Variants in NRG1 observed in about 807,000 individuals in gnomAD.
NRG1 encodes neuregulin 1, also known as pro-neuregulin-1, membrane-bound isoform.
Under a neutral mutation model 63.8 loss-of-function variants are expected in NRG1, and 18 were observed. The observed-to-expected ratio is 0.28, with a 90% CI of 0.19 to 0.42. The LOEUF is 0.42. Ranked by LOEUF, NRG1 falls within the 10% of genes least tolerant of loss-of-function variation. NRG1 has a pLI of 1.00. For missense variants in NRG1, 762 were observed against 814.7 expected, an observed-to-expected ratio of 0.94 and a Z score of 0.79; for synonymous variants, 302 against 301.3, an observed-to-expected ratio of 1.00 and a Z score of -0.02.
chr8:32,228,860 G>C (rs1226773082), intron 1 of NRG1, among the ~76,000 whole-genome samples: 1 of 152,230 alleles, frequency 6.6e-6, no homozygotes, highest in South Asian at 2.1e-4. Context: ...ATCCCACAAA[G>C]TTCTCTTTAG....
intron 1 of NRG1, among the ~76,000 whole-genome samples, chr8:31,643,003 A>T (rs918990958): frequency 1.4e-4 from 21 of 148,910 alleles, no homozygotes; most frequent in Admixed American, 6.0e-4. Context: ...TGTGTGTGAG[A>T]GAGAGAATGA....
intron 1 of NRG1, among the ~76,000 whole-genome samples, chr8:32,157,312 C>G (rs1838212451): frequency 7.3e-6 from 1 of 136,798 alleles, no homozygotes; most frequent in South Asian, 2.4e-4. Context: ...TTGCAGTGAG[C>G]TGAGATGGTG....
intron 1 of NRG1, among the ~76,000 whole-genome samples, chr8:31,957,632 A>AT (rs999295749): frequency 6.6e-6 from 1 of 152,136 alleles, no homozygotes; most frequent in African/African-American, 2.4e-5. Flanking sequence ...GATATTTTGA[A>AT]TTTTTTAGTG....
At chr8:31,679,200 C>T (rs957773955) in intron 1 of NRG1, among the ~76,000 whole-genome samples, 1 of 152,058 alleles carries the variant, frequency 6.6e-6, no homozygotes, top group African/African-American at 2.4e-5. Context: ...CTCAATGAGG[C>T]TCATTTTTGC....
At chr8:32,043,495 T>G (rs1260793918) in intron 1 of NRG1, among the ~76,000 whole-genome samples, 2 of 152,050 alleles carry the variant, frequency 1.3e-5, no homozygotes, top group Non-Finnish European at 2.9e-5. Flanking sequence ...AGAGCAAGTT[T>G]CATGAAAGAA....
chr8:32,393,234 C>G (rs924349683), intron 1 of NRG1, among the ~76,000 whole-genome samples: 1 of 152,130 alleles, frequency 6.6e-6, no homozygotes, highest in Non-Finnish European at 1.5e-5. Context: ...TACCATCTTC[C>G]TCTTACAGGG....
rs893526775 is a variant in NRG1 at position 32,501,104 on chromosome 8, G to A, written c.38-94724G>A. 5.3e-5 allele frequency among the ~76,000 whole-genome samples: 8 copies of A among 152,276 alleles called. No individual in the cohort carries two copies. In the East Asian group the frequency reaches 5.8e-4, roughly 11 times the overall value. On this transcript the variant is annotated intron_variant, in intron 1 of 10. Coordinates refer to the NRG1 transcript ENST00000519301. ...GGCATGCTGGCCTACAGCTGACTGC[G>A]TGAGCCTTCAGAAAAGCATCGGCAT...
chr8:32,440,592 G>A (rs1473312108), intron 1 of NRG1, among the ~76,000 whole-genome samples: 4 of 152,206 alleles, frequency 2.6e-5, no homozygotes, highest in East Asian at 3.9e-4. Flanking sequence ...ATTTGTGAAC[G>A]TGTAAGTCAA....
intron 1 of NRG1, among the ~76,000 whole-genome samples, chr8:32,539,410 G>A (rs1306783811): frequency 4.6e-5 from 7 of 152,148 alleles, no homozygotes; most frequent in South Asian, 2.1e-4. Context: ...CAAGACAGGC[G>A]ATGAGAATAA....
At chr8:32,773,776 C>T (rs772665444) in intron 7 of NRG1, among the ~76,000 whole-genome samples, 23 of 152,164 alleles carry the variant, frequency 1.5e-4, no homozygotes, top group Non-Finnish European at 1.8e-4. Flanking sequence ...CTCCTGGTTA[C>T]GGCCCCTCCA....
chr8:32,301,943 C>T (rs572000226), intron 1 of NRG1, among the ~76,000 whole-genome samples: 1 of 152,054 alleles, frequency 6.6e-6, no homozygotes, highest in African/African-American at 2.4e-5. Flanking sequence ...GAGAAGGGTG[C>T]GGTGTGCTGA....
At chr8:32,584,740 G>A (rs1394374312) in intron 1 of NRG1, among the ~76,000 whole-genome samples, 1 of 152,144 alleles carries the variant, frequency 6.6e-6, no homozygotes, top group East Asian at 1.9e-4. Flanking sequence ...TTTCACAGAA[G>A]GAATAAGCTT....
At chr8:32,570,008 A>G (rs1234757449) in intron 1 of NRG1, among the ~76,000 whole-genome samples, 1 of 150,634 alleles carries the variant, frequency 6.6e-6, no homozygotes, top group Non-Finnish European at 1.5e-5. Flanking sequence ...CCTGGGTTCA[A>G]CCAGTTCTCC....
intron 1 of NRG1, among the ~76,000 whole-genome samples, chr8:32,137,060 T>G (rs1022654837): frequency 3.3e-5 from 5 of 151,628 alleles, no homozygotes; most frequent in East Asian, 1.9e-4. Context: ...AACATGGGGG[T>G]TTTTTTTAAA....
intron 1 of NRG1, among the ~76,000 whole-genome samples, chr8:32,008,536 G>A (rs116060726): frequency 5.3e-5 from 8 of 152,020 alleles, no homozygotes; most frequent in Non-Finnish European, 7.4e-5. Flanking sequence ...TGAGTAGAAT[G>A]TATAGTACAT....
intron 1 of NRG1, among the ~76,000 whole-genome samples, chr8:32,222,298 G>A (rs1027118856): frequency 1.3e-5 from 2 of 151,700 alleles, no homozygotes; most frequent in Non-Finnish European, 2.9e-5. Context: ...TTTTCTTTTT[G>A]TTTTTCACTT....
rs372894599 is a variant in NRG1, at chr8:31,998,820, C to G, written c.37+359389C>G. On this transcript the variant is annotated intron_variant, in intron 1 of 10. Coordinates refer to the NRG1 transcript ENST00000519301. ...AATTGATTTTTATAGATATTTATAT[C>G]TACTTTTGTGAACATGCAATGTTCA... 8.4e-4 allele frequency among the ~76,000 whole-genome samples: 127 copies of G among 152,054 alleles called. 3 individuals carry two copies. The South Asian group carries it at 0.026, about 31-fold the overall frequency.
intron 1 of NRG1, among the ~76,000 whole-genome samples, chr8:32,141,570 T>C (rs1426182465): frequency 7.2e-6 from 1 of 138,540 alleles, no homozygotes; most frequent in Non-Finnish European, 1.5e-5. Flanking sequence ...TATATGTATA[T>C]ATACATATCC....
intron 1 of NRG1, among the ~76,000 whole-genome samples, chr8:31,970,143 C>T (rs1278000233): frequency 6.6e-6 from 1 of 152,060 alleles, no homozygotes; most frequent in Non-Finnish European, 1.5e-5. Flanking sequence ...TTTTAGTACC[C>T]TGGCTAGAAA....
Sources: gnomAD v4.1 joint callset for allele counts (sites outside exome capture counted in the v4.1 genomes callset) on GRCh38, gnomAD v4.1.1 for gene constraint, MANE v1.5 for transcripts, NCBI Gene and HGNC (gene_info 2026-07-23, HGNC 2026-07-21) for gene names.